The following PDE5A variants were observed in gnomAD, a reference collection of about 807,000 sequenced individuals.
PDE5A encodes cGMP-specific 3',5'-cyclic phosphodiesterase.
A neutral mutation model predicts 110.2 loss-of-function variants in PDE5A; 67 were observed. The ratio of observed to expected loss-of-function variants is 0.61; its 90% CI spans 0.50 to 0.75. The LOEUF is 0.75. Among genes scored for constraint, PDE5A ranks in the 30% least tolerant of loss-of-function variants. The probability of loss-of-function intolerance (pLI) is 0.00; values close to 1 mark genes in which losing one functional copy is unlikely to be tolerated. For missense variants in PDE5A, 862 were observed against 1,045.1 expected, an observed-to-expected ratio of 0.82 and a Z score of 2.42; for synonymous variants, 328 against 351.2, an observed-to-expected ratio of 0.93 and a Z score of 0.74.
At chr4:119,558,245 A>C (rs994469952) in intron 7 of PDE5A, among the ~76,000 whole-genome samples, 1 of 152,198 alleles carries the variant, frequency 6.6e-6, no homozygotes, top group African/African-American at 2.4e-5. Flanking sequence ...TGCTTCTAAT[A>C]ATTATGTGTA....
chr4:119,506,434 C>T (rs1725555455), intron 16 of PDE5A, among the ~76,000 whole-genome samples: 1 of 151,652 alleles, frequency 6.6e-6, no homozygotes, highest in South Asian at 2.1e-4. Context: ...ATTTGGTGTA[C>T]AGTGAATACC....
chr4:119,564,615 G>A (rs1413141011), intron 5 of PDE5A, among the ~76,000 whole-genome samples: 1 of 152,044 alleles, frequency 6.6e-6, no homozygotes, highest in Non-Finnish European at 1.5e-5. Context: ...GGAGTTTGGG[G>A]AGAGGAGGAA....
intron 3 of PDE5A, among the ~76,000 whole-genome samples, chr4:119,593,186 A>G (rs1336112061): frequency 6.6e-6 from 1 of 152,218 alleles, no homozygotes; most frequent in Non-Finnish European, 1.5e-5. Flanking sequence ...CAAATTAAAT[A>G]AATACCTACC....
chr4:119,550,024 A>C (rs1371884805), intron 9 of PDE5A: 1 of 152,254 alleles, frequency 6.6e-6, no homozygotes, highest in Non-Finnish European at 1.5e-5. Flanking sequence ...AATCTGGTCT[A>C]TGACATGTAA....
chr4:119,616,432 A>G (rs1174699701), intron 1 of PDE5A, among the ~76,000 whole-genome samples: 1 of 152,178 alleles, frequency 6.6e-6, no homozygotes, highest in Non-Finnish European at 1.5e-5. Context: ...AATGAATCAA[A>G]TCAGAAGTTT....
chr4:119,561,859 C>T (rs542377177), intron 6 of PDE5A, among the ~76,000 whole-genome samples: 8 of 152,254 alleles, frequency 5.3e-5, no homozygotes, highest in African/African-American at 1.9e-4. Context: ...GATGTTGGGT[C>T]ATACAGTATA....
rs1342058803 is a variant in PDE5A at position 119,602,009 on chromosome 4, TG to T, written c.741+4699del. Among the ~76,000 whole-genome samples the T allele has an allele frequency of 2.0e-5, 3 of 152,244 alleles. No homozygotes were observed. In the East Asian group the frequency reaches 5.8e-4, roughly 29 times the overall value. ...ACAGACATTACAACTATGTGCAATA[TG>T]GGATCCTGAATACTATCTTGGATTG... On this transcript the variant is annotated intron_variant, in intron 2 of 20. Transcript: ENST00000354960.
intron 1 of PDE5A, among the ~76,000 whole-genome samples, chr4:119,621,386 G>A (rs907589238): frequency 6.6e-6 from 1 of 152,152 alleles, no homozygotes; most frequent in Non-Finnish European, 1.5e-5. Flanking sequence ...GGGTAATCTG[G>A]GGAAGACTGA....
chr4:119,514,824 C>A (rs1383048075), intron 14 of PDE5A, among the ~76,000 whole-genome samples: 3 of 152,158 alleles, frequency 2.0e-5, no homozygotes, highest in East Asian at 1.9e-4. Flanking sequence ...TCTATTTATA[C>A]CCCTTTAATC....
At chr4:119,574,988 T>C (rs1728279525) in intron 3 of PDE5A, among the ~76,000 whole-genome samples, 1 of 152,138 alleles carries the variant, frequency 6.6e-6, no homozygotes, top group African/African-American at 2.4e-5. Context: ...GAGAAGTCCT[T>C]AAAGGACCGG....
At chr4:119,499,193 T>C (rs1489919851) in intron 20 of PDE5A, among the ~76,000 whole-genome samples, 1 of 152,208 alleles carries the variant, frequency 6.6e-6, no homozygotes, top group African/African-American at 2.4e-5. Context: ...GTGGCATTAT[T>C]ATGTACCAAT....
At position 119,495,097 on chromosome 4, in the gene PDE5A, CTG is replaced by C; in HGVS notation, c.*3502_*3503del. On this transcript the variant is annotated 3_prime_UTR_variant, in exon 21 of 21. Coordinates refer to ENST00000354960, the MANE Select transcript of PDE5A (RefSeq NM_001083.4). Reference sequence around the variant, plus strand: ...TGCAAAAAGACAGGATGTTTGTTTACTGGTAGATTCTTAGTAAGTTTCAGGTA... The same window carrying C: ...TGCAAAAAGACAGGATGTTTGTTTACGTAGATTCTTAGTAAGTTTCAGGTA... 3 of 152,382 alleles carry C rather than the reference CTG, an allele frequency of 2.0e-5. No homozygotes were observed. In the South Asian group the frequency reaches 6.2e-4, roughly 32 times the overall value. The allele number at this position is 152,382 out of a possible 1,614,324, so 9.4% of individuals were successfully genotyped here.
At position 119,526,284 on chromosome 4, in the gene PDE5A, G is replaced by C. The variant is rs571850345; in HGVS notation, c.1633-589C>G. ...CTCCAGTCCAGGAAGACTATCCTGTGCCCAGACTAGCAGAACCTGCCTCCC... is the reference window on the plus strand; with the variant it reads ...CTCCAGTCCAGGAAGACTATCCTGTCCCCAGACTAGCAGAACCTGCCTCCC... On this transcript the variant is annotated intron_variant, in intron 11 of 20. Coordinates refer to ENST00000354960, the MANE Select transcript of PDE5A (RefSeq NM_001083.4). Among the ~76,000 whole-genome samples, 3 of 152,234 alleles carry C rather than the reference G, an allele frequency of 2.0e-5. No homozygotes were observed. In the East Asian group the frequency reaches 5.8e-4, roughly 29 times the overall value.
chr4:119,544,793 T>A (rs1472687075), intron 9 of PDE5A, among the ~76,000 whole-genome samples: 1 of 152,176 alleles, frequency 6.6e-6, no homozygotes, highest in Non-Finnish European at 1.5e-5. Flanking sequence ...AGTACAGCAG[T>A]TCAAATCTAT....
intron 12 of PDE5A, among the ~76,000 whole-genome samples, chr4:119,523,778 A>G (rs1726211564): frequency 6.6e-6 from 1 of 152,040 alleles, no homozygotes; most frequent in Admixed American, 6.6e-5. Context: ...TACAAGAATC[A>G]CATTCCTCTA....
At chr4:119,506,516 AAT>A (rs1725559160) in intron 16 of PDE5A, among the ~76,000 whole-genome samples, 1 of 151,856 alleles carries the variant, frequency 6.6e-6, no homozygotes, top group Non-Finnish European at 1.5e-5. Context: ...CGCAGTGTTT[AAT>A]ATCTACCTGG....
chr4:119,517,259 G>A (rs758037235), intron 14 of PDE5A: 1 of 151,960 alleles, frequency 6.6e-6, no homozygotes, highest in Non-Finnish European at 1.5e-5. Flanking sequence ...CTAAATATTA[G>A]TTTGAATATC....
chr4:119,545,074 C>A (rs1487667588), intron 9 of PDE5A, among the ~76,000 whole-genome samples: 1 of 152,036 alleles, frequency 6.6e-6, no homozygotes, highest in Non-Finnish European at 1.5e-5. Context: ...TCCATCTAGG[C>A]ATATAAATTA....
At chr4:119,542,048 G>C (rs1181758028) in intron 10 of PDE5A, 1 of 155,494 alleles carries the variant, frequency 6.4e-6, no homozygotes, top group Non-Finnish European at 1.4e-5. Flanking sequence ...AGAGTGCCTA[G>C]GGTTTCTGTT....
Sources: allele counts gnomAD v4.1 joint callset (sites outside exome capture counted in the v4.1 genomes callset), GRCh38; gene constraint gnomAD v4.1.1; transcripts MANE v1.5; gene names NCBI Gene and HGNC (gene_info 2026-07-23, HGNC 2026-07-21).